The following LTBP1 variants were observed in gnomAD, a reference collection of about 807,000 sequenced individuals.
The protein encoded by LTBP1 is latent-transforming growth factor beta-binding protein 1.
A neutral mutation model predicts 207.6 loss-of-function variants in LTBP1; 129 were observed. That is an observed-to-expected ratio of 0.62 (90% confidence interval 0.54 to 0.72). The LOEUF is 0.72. Ranked by LOEUF, LTBP1 falls within the 30% of genes least tolerant of loss-of-function variation. The pLI is 0.00. For synonymous variants in LTBP1, 963 were observed against 833.7 expected, an observed-to-expected ratio of 1.16 and a Z score of -2.67; for missense variants, 2,281 against 2,217.2, an observed-to-expected ratio of 1.03 and a Z score of -0.58.
At chr2:33,354,724 A>ACC (rs2094834485) in intron 26 of LTBP1, among the ~76,000 whole-genome samples, 1 of 131,932 alleles carries the variant, frequency 7.6e-6, no homozygotes, top group African/African-American at 3.1e-5. Flanking sequence ...ACACACACAC[A>ACC]CACACCATTG....
chr2:33,345,665 T>C (rs72859598), intron 25 of LTBP1, among the ~76,000 whole-genome samples: 4,387 of 152,322 alleles, frequency 0.029, 206 homozygotes, highest in African/African-American at 0.1. Context: ...ATAAATGAAA[T>C]GGAAAACTGA....
At chr2:32,994,395 C>T (rs926748597) in intron 2 of LTBP1, among the ~76,000 whole-genome samples, 8 of 152,004 alleles carry the variant, frequency 5.3e-5, no homozygotes, top group Non-Finnish European at 7.4e-5. Flanking sequence ...GGTGACACAG[C>T]CAGTAAGTGG....
chr2:33,093,909 T>C (rs1189953420), intron 3 of LTBP1, among the ~76,000 whole-genome samples: 5 of 152,134 alleles, frequency 3.3e-5, no homozygotes, highest in African/African-American at 9.7e-5. Flanking sequence ...TAACTAGTTC[T>C]TTTTATTTTC....
chr2:33,026,673 C>T (rs1446196958), intron 3 of LTBP1, among the ~76,000 whole-genome samples: 1 of 152,168 alleles, frequency 6.6e-6, no homozygotes, highest in Admixed American at 6.5e-5. Flanking sequence ...AAAAGGAACT[C>T]ACTCCAAGGT....
chr2:33,201,411 A>T (rs971434951), intron 7 of LTBP1, among the ~76,000 whole-genome samples: 1 of 138,398 alleles, frequency 7.2e-6, no homozygotes, highest in African/African-American at 2.7e-5. Flanking sequence ...TCTCACTCAT[A>T]GGTGGGAATT....
chr2:33,362,966 T>G (rs1380577927), intron 28 of LTBP1, among the ~76,000 whole-genome samples: 1 of 152,192 alleles, frequency 6.6e-6, no homozygotes, highest in Non-Finnish European at 1.5e-5. Context: ...AAGAAAGACT[T>G]GCATTCAAGT....
At chr2:33,332,855 G>C (rs1010612897) in intron 24 of LTBP1, 1 of 152,268 alleles carries the variant, frequency 6.6e-6, no homozygotes, top group Non-Finnish European at 1.5e-5. Flanking sequence ...GTGCACTCAA[G>C]GGAGTGGAAA....
chr2:32,961,194 A>G (rs1020636), intron 2 of LTBP1, among the ~76,000 whole-genome samples: 48,062 of 152,090 alleles, frequency 0.32, 8,260 homozygotes, highest in East Asian at 0.68. Context: ...TTATTCTCAT[A>G]GCCTGACCAC....
chr2:33,397,338 C>CA, intron 33 of LTBP1, 56 bp downstream of exon 33: 1 of 1,583,012 alleles, frequency 6.3e-7, no homozygotes, highest in South Asian at 1.1e-5. Flanking sequence ...CCCCGTATCT[C>CA]AGTCAGTAGA....
chr2:33,294,933 T>C (rs1486607292), intron 20 of LTBP1, among the ~76,000 whole-genome samples: 1 of 151,964 alleles, frequency 6.6e-6, no homozygotes, highest in Non-Finnish European at 1.5e-5. Flanking sequence ...ATGTAATAAT[T>C]GTCCATATTG....
chr2:33,053,055 G>T (rs2076822742), intron 3 of LTBP1, among the ~76,000 whole-genome samples: 1 of 151,988 alleles, frequency 6.6e-6, no homozygotes, highest in South Asian at 2.1e-4. Context: ...ATTTTTAATC[G>T]AGACGGGGTT....
intron 22 of LTBP1, among the ~76,000 whole-genome samples, chr2:33,303,677 G>A (rs896724189): frequency 3.9e-5 from 6 of 152,004 alleles, no homozygotes; most frequent in African/African-American, 9.7e-5. Context: ...CATAAGGAGC[G>A]TGCAACCTAG....
At chr2:33,287,369 T>C (rs1202449009) in intron 19 of LTBP1, among the ~76,000 whole-genome samples, 1 of 152,230 alleles carries the variant, frequency 6.6e-6, no homozygotes, top group Non-Finnish European at 1.5e-5. Context: ...TGTTTTGTTC[T>C]GTACAATGTC....
At chr2:33,192,900 C>T (rs1213645369) in intron 7 of LTBP1, among the ~76,000 whole-genome samples, 2 of 152,106 alleles carry the variant, frequency 1.3e-5, no homozygotes, top group African/African-American at 4.8e-5. Context: ...TATAACAAGT[C>T]CACTCTGGTG....
chr2:33,262,518 T>C (rs1469301272), intron 13 of LTBP1, among the ~76,000 whole-genome samples: 1 of 150,208 alleles, frequency 6.7e-6, no homozygotes, highest in Non-Finnish European at 1.5e-5. Flanking sequence ...GGGCTTTCCA[T>C]AGTAGCACCA....
At chr2:33,353,134 A>C (rs1381065886) in intron 26 of LTBP1, among the ~76,000 whole-genome samples, 1 of 151,690 alleles carries the variant, frequency 6.6e-6, no homozygotes, top group African/African-American at 2.4e-5. Context: ...CTGTGCCACC[A>C]TGCCCACCTA....
At chr2:32,958,822 A>C (rs1248097301) in intron 2 of LTBP1, among the ~76,000 whole-genome samples, 1 of 152,178 alleles carries the variant, frequency 6.6e-6, no homozygotes, top group East Asian at 1.9e-4. Context: ...TCAAGGGCAC[A>C]ACACCTTACT....
intron 3 of LTBP1, among the ~76,000 whole-genome samples, chr2:33,080,427 G>A (rs980968888): frequency 8.5e-5 from 13 of 152,108 alleles, no homozygotes; most frequent in African/African-American, 2.9e-4. Context: ...TTATCTGTTT[G>A]TCTGTTGTCT....
chr2:33,026,548 A>G (rs1345115615), intron 3 of LTBP1, among the ~76,000 whole-genome samples: 2 of 152,170 alleles, frequency 1.3e-5, no homozygotes, highest in Non-Finnish European at 2.9e-5. Flanking sequence ...AACATTTTGC[A>G]GAGTATTTTC....
Sources: gnomAD v4.1 joint callset for allele counts (sites outside exome capture counted in the v4.1 genomes callset) on GRCh38, gnomAD v4.1.1 for gene constraint, MANE v1.5 for transcripts, NCBI Gene and HGNC (gene_info 2026-07-23, HGNC 2026-07-21) for gene names.